The following PCDH11X variants were observed in gnomAD, a reference collection of about 807,000 sequenced individuals.
The protein encoded by PCDH11X is protocadherin 11 X-linked.
PCDH11X carries 18 observed loss-of-function variants against 53.3 expected under a neutral mutation model. That is an observed-to-expected ratio of 0.34 (90% CI 0.23 to 0.50). The LOEUF (loss-of-function observed/expected upper bound fraction) is 0.50, where lower values mean the gene tolerates loss of function less well. Among genes scored for constraint, PCDH11X ranks in the 20% least tolerant of loss-of-function variants. PCDH11X has a pLI of 0.98. For missense variants in PCDH11X, 570 were observed against 1,032.4 expected (o/e 0.55, Z 6.14); for synonymous variants, 279 against 393.3 (o/e 0.71, Z 3.44).
chrX:92,428,896 G>A (rs1394715304), intron 9 of PCDH11X, among the ~76,000 whole-genome samples: 1 of 111,139 alleles, frequency 9.0e-6, no homozygotes, highest in East Asian at 2.8e-4. Flanking sequence ...AATAAAGCAA[G>A]AGGGGATAAC....
At chrX:91,886,765 A>G (rs1940218421) in intron 6 of PCDH11X, among the ~76,000 whole-genome samples, 1 of 109,056 alleles carries the variant, frequency 9.2e-6, no homozygotes, top group Admixed American at 9.9e-5. Flanking sequence ...AGGTCAGGAG[A>G]TCGAGACCAT....
intron 8 of PCDH11X, among the ~76,000 whole-genome samples, chrX:92,320,303 T>C (rs1328008373): frequency 1.8e-5 from 2 of 111,446 alleles, no homozygotes; most frequent in Non-Finnish European, 3.8e-5. Context: ...AGAATCCTGC[T>C]GAAATGTGTA....
intron 9 of PCDH11X, among the ~76,000 whole-genome samples, chrX:92,438,305 TC>T (rs2072435057): frequency 9.0e-6 from 1 of 111,594 alleles, no homozygotes; most frequent in Admixed American, 9.6e-5. Context: ...TTTTAAAAAC[TC>T]CCTCGGTGCT....
chrX:92,167,749 C>T (rs1269019609), intron 6 of PCDH11X, among the ~76,000 whole-genome samples: 2 of 111,265 alleles, frequency 1.8e-5, no homozygotes, highest in Non-Finnish European at 3.8e-5. Flanking sequence ...CTGAGGGAAT[C>T]GGCAAAATTT....
At chrX:92,379,794 A>G (rs1301299671) in intron 8 of PCDH11X, among the ~76,000 whole-genome samples, 2 of 110,577 alleles carry the variant, frequency 1.8e-5, no homozygotes, top group Non-Finnish European at 3.8e-5. Flanking sequence ...AGATGACCTA[A>G]CTGCTGTTAG....
In PCDH11X at chrX:91,878,012, T is replaced by A. The variant is rs1939704867; in HGVS notation, c.1772T>A (p.Leu591Gln). The change falls in exon 6 of 11, where the codon CTA becomes CAA. Residue 591 changes from leucine (L) to glutamine (Q), a missense_variant. By Grantham distance (113) the Leu-to-Gln change is moderately radical. Transcript: ENST00000682573. Reference protein sequence around the residue: ...ENLPRHGTVGLITVTDPDYGD... With the variant: ...ENLPRHGTVGQITVTDPDYGD... ...CTTCCAAGGCATGGTACAGTAGGAC[T>A]AATCACTGTAACTGATCCTGATTAT... 8.3e-7 allele frequency: 1 copy of A among 1,208,214 alleles called. No homozygotes were observed. The highest frequency in any genetic ancestry group is 1.8e-5 in the African/African-American group (1 of 56,668).
At chrX:92,278,740 A>G (rs751631260) in intron 8 of PCDH11X, among the ~76,000 whole-genome samples, 1 of 108,261 alleles carries the variant, frequency 9.2e-6, no homozygotes, top group Non-Finnish European at 1.9e-5. Context: ...ATCTGGTCAT[A>G]TCCGTGCAAG....
At chrX:92,403,619 G>C (rs908016653) in intron 9 of PCDH11X, among the ~76,000 whole-genome samples, 15 of 110,332 alleles carry the variant, frequency 1.4e-4, no homozygotes, top group African/African-American at 5.0e-4. Flanking sequence ...TCTTCTTTCA[G>C]CGTTTAGTTT....
intron 5 of PCDH11X, among the ~76,000 whole-genome samples, chrX:91,860,029 A>G (rs775229041): frequency 1.8e-5 from 2 of 108,992 alleles, no homozygotes; most frequent in East Asian, 2.9e-4. Flanking sequence ...TAATGGGAAT[A>G]CCATCTATAA....
chrX:91,788,412 A>AT (rs745844939), intron 1 of PCDH11X, among the ~76,000 whole-genome samples: 1 of 112,186 alleles, frequency 8.9e-6, no homozygotes, highest in Non-Finnish European at 1.9e-5. Flanking sequence ...TAAGTATTTT[A>AT]TTTTTTTTAA....
intron 6 of PCDH11X, among the ~76,000 whole-genome samples, chrX:92,017,927 A>ATGTCTGTATT (rs1454049234): frequency 9.7e-6 from 1 of 103,089 alleles, no homozygotes; most frequent in Non-Finnish European, 2.0e-5. Flanking sequence ...AAAATGAGCT[A>ATGTCTGTATT]TGTCTGTATT....
chrX:92,278,384 G>C (rs2068159041), intron 8 of PCDH11X, among the ~76,000 whole-genome samples: 2 of 112,101 alleles, frequency 1.8e-5, no homozygotes, highest in Admixed American at 9.4e-5. Flanking sequence ...CGTGTGAAGA[G>C]ACCACCAAAC....
rs750623497 is a variant in PCDH11X, at chrX:92,012,910, C to T, written c.3033+133637C>T. 4.5e-3 allele frequency among the ~76,000 whole-genome samples: 499 copies of T among 111,411 alleles called. 4 individuals carry two copies. Among genetic ancestry groups the T allele is most frequent in the African/African-American group, 0.015 (458 of 30,677 alleles). On this transcript the variant is annotated intron_variant, in intron 6 of 10. Coordinates refer to ENST00000682573, the MANE Select transcript of PCDH11X (RefSeq NM_032968.5). ...CATTAATGTCTAATAAAATAATGTG[C>T]GTCAGCCAATATCATACTGAATGGG...
intron 6 of PCDH11X, among the ~76,000 whole-genome samples, chrX:91,954,655 G>A (rs1220143569): frequency 1.8e-4 from 20 of 110,257 alleles, no homozygotes; most frequent in Non-Finnish European, 3.6e-4. Flanking sequence ...AGCCATTCTG[G>A]ATGACATGAG....
intron 5 of PCDH11X, among the ~76,000 whole-genome samples, chrX:91,868,100 A>G (rs1239969510): frequency 9.0e-6 from 1 of 111,627 alleles, no homozygotes; most frequent in Non-Finnish European, 1.9e-5. Flanking sequence ...AACAACAAAA[A>G]ATCTACCACA....
chrX:91,958,743 C>T (rs1192309832), intron 6 of PCDH11X, among the ~76,000 whole-genome samples: 7 of 110,926 alleles, frequency 6.3e-5, no homozygotes, highest in African/African-American at 2.0e-4. Context: ...TGTTCCTCTC[C>T]GTGAATACCG....
chrX:91,792,066 T>TTAGCCAGGATGG (rs1389436027), intron 1 of PCDH11X, among the ~76,000 whole-genome samples: 9 of 108,212 alleles, frequency 8.3e-5, no homozygotes, highest in African/African-American at 3.1e-4. Context: ...TTTCACCGTG[T>TTAGCCAGGATGG]TCTCGATCTC....
intron 6 of PCDH11X, among the ~76,000 whole-genome samples, chrX:92,074,178 A>C (rs1298005551): frequency 9.0e-6 from 1 of 111,500 alleles, no homozygotes; most frequent in African/African-American, 3.3e-5. Flanking sequence ...AGAAATATCT[A>C]TCTCTTTAAT....
intron 1 of PCDH11X, among the ~76,000 whole-genome samples, chrX:91,807,660 C>G (rs893550256): frequency 2.7e-5 from 3 of 111,313 alleles, no homozygotes; most frequent in Non-Finnish European, 5.6e-5. Context: ...ACCTCTTGTT[C>G]CTCATAAATC....
Sources: allele counts gnomAD v4.1 joint callset (sites outside exome capture counted in the v4.1 genomes callset), GRCh38; gene constraint gnomAD v4.1.1; transcripts MANE v1.5; gene names NCBI Gene and HGNC (gene_info 2026-07-23, HGNC 2026-07-21).